Variants in ABCA1 observed in about 807,000 individuals in gnomAD.
The protein encoded by ABCA1 is phospholipid-transporting ATPase ABCA1.
Under a neutral mutation model 262.5 loss-of-function variants are expected in ABCA1, and 133 were observed. The ratio of observed to expected loss-of-function variants is 0.51; its 90% CI spans 0.44 to 0.59. ABCA1 has a LOEUF of 0.59. Ranked by LOEUF, ABCA1 falls within the 20% of genes least tolerant of loss-of-function variation. ABCA1 has a pLI of 0.00. For synonymous variants in ABCA1, 1,022 were observed against 1,043.5 expected, an observed-to-expected ratio of 0.98 and a Z score of 0.40; for missense variants, 2,452 against 2,777.5, an observed-to-expected ratio of 0.88 and a Z score of 2.63.
intron 1 of ABCA1, among the ~76,000 whole-genome samples, chr9:104,918,887 C>A (rs529597146): frequency 6.6e-6 from 1 of 152,154 alleles, no homozygotes; most frequent in African/African-American, 2.4e-5. Flanking sequence ...CAAAGACTTG[C>A]TTCTTCAAGA....
At chr9:104,802,536 CG>C (rs1466021302) in intron 33 of ABCA1, among the ~76,000 whole-genome samples, 11 of 152,146 alleles carry the variant, frequency 7.2e-5, no homozygotes, top group African/African-American at 2.7e-4. Context: ...GAGTAGGCTG[CG>C]CTGGCCTTAT....
At position 104,903,705 on chromosome 9, in the gene ABCA1, T is replaced by C. The variant is rs199976989; in HGVS notation, c.-26A>G. 6.4e-7 allele frequency: 1 copy of C among 1,565,854 alleles called. No homozygotes were observed. The highest frequency in any genetic ancestry group is 1.4e-5 in the African/African-American group (1 of 73,892). On this transcript the variant is annotated 5_prime_UTR_variant, in exon 2 of 50. Transcript: ENST00000374736. Reference sequence around the variant, plus strand: ...GTTCCCTCAGCCAGCACCCCCAGCGTGTGGCTCGGGAGCCCTGGAAGGCAG... The same window carrying C: ...GTTCCCTCAGCCAGCACCCCCAGCGCGTGGCTCGGGAGCCCTGGAAGGCAG...
chr9:104,870,235 C>T (rs1837480355), intron 5 of ABCA1, among the ~76,000 whole-genome samples: 1 of 152,190 alleles, frequency 6.6e-6, no homozygotes, highest in Non-Finnish European at 1.5e-5. Context: ...TGAATGGCTA[C>T]AGTACCCAAA....
At chr9:104,805,948 C>A (rs1407668796) in intron 31 of ABCA1, among the ~76,000 whole-genome samples, 1 of 151,986 alleles carries the variant, frequency 6.6e-6, no homozygotes, top group Non-Finnish European at 1.5e-5. Context: ...CTACTAAAAA[C>A]ACAAAAATTA....
chr9:104,895,461 T>A (rs1419427499), intron 2 of ABCA1, among the ~76,000 whole-genome samples: 1 of 151,218 alleles, frequency 6.6e-6, no homozygotes, highest in African/African-American at 2.4e-5. Context: ...CCCAGGATTG[T>A]GACAACCAAA....
rs186219421 is a variant in ABCA1 at position 104,804,582 on chromosome 9, A to G, written c.4559+44T>C. 1.3e-4 allele frequency: 192 copies of G among 1,448,176 alleles called. 2 individuals are homozygous for G. In the East Asian group the frequency reaches 2.0e-3, roughly 15 times the overall value. 89.7% of individuals were successfully genotyped at this position (1,448,176 alleles called of 1,614,324 possible). A position where few individuals can be genotyped will look rare whatever the true frequency, so the allele number is the denominator to read the frequency against. On this transcript the variant is annotated intron_variant, in intron 32 of 49. Coordinates refer to ENST00000374736, the MANE Select transcript of ABCA1 (RefSeq NM_005502.4). ...TTATTTGTAGGTCTTTAATTCCTCT[A>G]ATTAGTAATAATACGGCAGGGGCCA...
At chr9:104,919,565 T>C (rs1842026110) in intron 1 of ABCA1, among the ~76,000 whole-genome samples, 1 of 152,022 alleles carries the variant, frequency 6.6e-6, no homozygotes, top group African/African-American at 2.4e-5. Context: ...TGAGCCGAGA[T>C]TGCGCCACTG....
In ABCA1 at chr9:104,832,749, T is replaced by C; in HGVS notation, c.1334A>G (p.Asn445Ser). Residue 445 changes from asparagine to serine, a missense_variant, in exon 12 of 50, where the codon AAT (asparagine) becomes AGT (serine). This residue lies in a region of ABCA1 where 1,032 missense variants were observed against 1,089.7 expected (regional missense o/e 0.95). Transcript: ENST00000374736. Reference protein sequence around the residue: ...LVRMLLDSRDNDHFWEQQLDG... With the variant: ...LVRMLLDSRDSDHFWEQQLDG... Reference sequence around the variant, plus strand: ...CAACTGCTGTTCCCAAAAGTGGTCATTGTCCCTGCTGTCCAACAGCATCTG... The same window carrying C: ...CAACTGCTGTTCCCAAAAGTGGTCACTGTCCCTGCTGTCCAACAGCATCTG... 2 of 1,614,198 alleles carry C rather than the reference T, an allele frequency of 1.2e-6. No homozygotes were observed. Among genetic ancestry groups the C allele is most frequent in the Non-Finnish European group, 1.7e-6 (2 of 1,180,040 alleles).
At chr9:104,799,320 G>T in intron 36 of ABCA1, 2 of 493,238 alleles carry the variant, frequency 4.1e-6, no homozygotes, top group Non-Finnish European at 5.3e-6. Context: ...AAAGTTTAGA[G>T]ACCAGATTCA....
At position 104,913,611 on chromosome 9, in the gene ABCA1, T is replaced by C. The variant is rs368968508; in HGVS notation, c.-92-9840A>G. On this transcript the variant is annotated intron_variant, in intron 1 of 49. Coordinates refer to ENST00000374736, the MANE Select transcript of ABCA1 (RefSeq NM_005502.4). Reference sequence around the variant, plus strand: ...GGAGCGCTCTCCAGTACCCAGTGCATTGGTAGAGGTGAAAGCATTATACGG... The same window carrying C: ...GGAGCGCTCTCCAGTACCCAGTGCACTGGTAGAGGTGAAAGCATTATACGG... Among the ~76,000 whole-genome samples, 22 of 152,228 alleles carry C rather than the reference T, an allele frequency of 1.4e-4. No individual in the cohort carries two copies. In the East Asian group the frequency reaches 3.9e-3, roughly 27 times the overall value.
At chr9:104,921,050 T>C (rs1439558221) in intron 1 of ABCA1, among the ~76,000 whole-genome samples, 2 of 151,930 alleles carry the variant, frequency 1.3e-5, no homozygotes, top group Non-Finnish European at 2.9e-5. Context: ...AATATTTGCA[T>C]CTATACTCCA....
intron 2 of ABCA1, among the ~76,000 whole-genome samples, chr9:104,898,019 A>T (rs1334685771): frequency 6.6e-6 from 1 of 152,232 alleles, no homozygotes; most frequent in African/African-American, 2.4e-5. Context: ...TTTCAAAACT[A>T]TAAAACACAG....
intron 7 of ABCA1, among the ~76,000 whole-genome samples, chr9:104,847,696 A>G (rs1375894059): frequency 6.6e-6 from 1 of 152,220 alleles, no homozygotes. Flanking sequence ...CTCTAATTGT[A>G]TAATTACTCC....
At chr9:104,785,324 C>G in intron 49 of ABCA1, 72 bp downstream of exon 49, 1 of 1,591,506 alleles carries the variant, frequency 6.3e-7, no homozygotes, top group African/African-American at 1.3e-5. Context: ...TGCTCTTGGA[C>G]CTATGGGCGG....
intron 2 of ABCA1, among the ~76,000 whole-genome samples, chr9:104,894,298 C>T (rs1840017676): frequency 6.6e-6 from 1 of 151,986 alleles, no homozygotes; most frequent in Admixed American, 6.6e-5. Flanking sequence ...AGCAGATGCT[C>T]AAAATATGTT....
Position 104,787,900 on chromosome 9 carries a change from C to A in ABCA1, c.6204+20G>T. ...CCACTCAGGCCAGAACAACAGTTTT[C>A]CATCCACAGTTATACTCACCAGAAA... On this transcript the variant is annotated intron_variant, in intron 46 of 49. Transcript: ENST00000374736. 2 of 1,613,944 alleles carry A rather than the reference C, an allele frequency of 1.2e-6. No individual in the cohort carries two copies. The highest frequency in any genetic ancestry group is 2.2e-5 in the South Asian group (2 of 91,058).
chr9:104,919,940 T>C (rs73664380), intron 1 of ABCA1, among the ~76,000 whole-genome samples: 8,293 of 152,232 alleles, frequency 0.054, 322 homozygotes, highest in African/African-American at 0.12. Context: ...TATTTTTTCT[T>C]TACCTCTCAA....
At chr9:104,893,335 C>T (rs1839919860) in intron 2 of ABCA1, among the ~76,000 whole-genome samples, 2 of 135,384 alleles carry the variant, frequency 1.5e-5, no homozygotes, top group Admixed American at 8.4e-5. Flanking sequence ...GGCAGGAGAA[C>T]TGTTTGAACC....
At chr9:104,863,827 G>A (rs4149284) in intron 5 of ABCA1, among the ~76,000 whole-genome samples, 7,653 of 152,220 alleles carry the variant, frequency 0.05, 377 homozygotes, top group East Asian at 0.29. Context: ...CCCATCACAT[G>A]TGACTCTACA....
Sources: gnomAD v4.1 joint callset for allele counts (sites outside exome capture counted in the v4.1 genomes callset) on GRCh38, gnomAD v4.1.1 for gene constraint, gnomAD v4.1.1 regional missense constraint, MANE v1.5 for transcripts, NCBI Gene and HGNC (gene_info 2026-07-23, HGNC 2026-07-21) for gene names.